Variants in PCDHA9 observed in about 807,000 individuals in gnomAD.
PCDHA9 encodes protocadherin alpha-9.
In PCDHA9, 62 loss-of-function variants were observed where a neutral mutation model predicts 62.0. The observed-to-expected ratio is 1.00, with a 90% CI of 0.81 to 1.23. The LOEUF (loss-of-function observed/expected upper bound fraction) is 1.23. Ranked by LOEUF, PCDHA9 falls within the 50% of genes most tolerant of loss-of-function variation. The pLI, the probability that PCDHA9 is intolerant of heterozygous loss-of-function variation, is 0.00. For synonymous variants in PCDHA9, 557 were observed against 567.6 expected, an observed-to-expected ratio of 0.98 and a Z score of 0.27; for missense variants, 1,205 against 1,249.8, an observed-to-expected ratio of 0.96 and a Z score of 0.54.
chr5:140,915,164 G>A (rs782783727), intron 1 of PCDHA9, among the ~76,000 whole-genome samples: 27 of 152,144 alleles, frequency 1.8e-4, no homozygotes, highest in African/African-American at 5.3e-4. Flanking sequence ...GGCCAGGATA[G>A]TCTCGATCTC....
chr5:140,876,729 G>C lies in PCDHA9; in HGVS notation c.2394+25840G>C, dbSNP rs781841207. The C allele has an allele frequency of 3.1e-6, 5 of 1,614,102 alleles. No homozygotes were observed. The East Asian group carries it at 6.7e-5, about 22-fold the overall frequency. On this transcript the variant is annotated intron_variant, in intron 1 of 3. Transcript: ENST00000532602. ...GCGCCCTGGACCGCGAGAGCGTGTC[G>C]GCCTATGAGCTGGTGGTGACTGCGC...
intron 1 of PCDHA9, 86 bp downstream of exon 1, chr5:140,850,975 T>G: frequency 6.9e-7 from 1 of 1,451,728 alleles, no homozygotes; most frequent in Non-Finnish European, 9.2e-7. Flanking sequence ...GTTCAAATAG[T>G]TTTATTCATT....
chr5:140,997,409 A>G (rs1378198322), intron 3 of PCDHA9, among the ~76,000 whole-genome samples: 2 of 152,180 alleles, frequency 1.3e-5, no homozygotes, highest in Non-Finnish European at 1.5e-5. Flanking sequence ...CGTATGGCCT[A>G]TTTCTCCTAG....
intron 1 of PCDHA9, among the ~76,000 whole-genome samples, chr5:140,946,113 G>T (rs1241993026): frequency 6.6e-6 from 1 of 151,816 alleles, no homozygotes; most frequent in Non-Finnish European, 1.5e-5. Context: ...AAATATATAA[G>T]GAACTCAAAC....
chr5:140,882,263 T>G (rs1554173290), intron 1 of PCDHA9: 3 of 1,604,900 alleles, frequency 1.9e-6, no homozygotes. Context: ...GTTTTTGGAG[T>G]GTACCATGCT....
At chr5:140,917,552 C>T (rs200211133) in intron 1 of PCDHA9, among the ~76,000 whole-genome samples, 1 of 152,192 alleles carries the variant, frequency 6.6e-6, no homozygotes, top group Non-Finnish European at 1.5e-5. Flanking sequence ...TTACATTTAA[C>T]TCTTTAATCC....
chr5:140,909,397 G>C (rs564100527), intron 1 of PCDHA9, among the ~76,000 whole-genome samples: 1 of 152,320 alleles, frequency 6.6e-6, no homozygotes, highest in East Asian at 1.9e-4. Flanking sequence ...TACAGCAGCT[G>C]CAATTGCAGT....
intron 1 of PCDHA9, among the ~76,000 whole-genome samples, chr5:140,906,668 C>G (rs1554192641): frequency 1.3e-5 from 2 of 152,152 alleles, no homozygotes; most frequent in African/African-American, 4.8e-5. Flanking sequence ...TGTAGTGACC[C>G]AAACCTTCAT....
chr5:140,880,707 G>A (rs1017608107), intron 1 of PCDHA9, among the ~76,000 whole-genome samples: 2 of 152,180 alleles, frequency 1.3e-5, no homozygotes, highest in East Asian at 3.8e-4. Context: ...TGACAATGTT[G>A]AGCAGCTTAA....
rs781871079 is a variant in PCDHA9, at chr5:140,857,427, C to T, written c.2394+6538C>T. 3 of 1,598,334 alleles carry T rather than the reference C, an allele frequency of 1.9e-6. No individual in the cohort carries two copies. In the East Asian group the frequency reaches 6.7e-5, roughly 36 times the overall value. ...CCTGCGTTCGCGCAGTCCGAGTACA[C>T]GGTGTTCGTGAAGGAGAACAACCCG... On this transcript the variant is annotated intron_variant, in intron 1 of 3. Coordinates refer to ENST00000532602, the MANE Select transcript of PCDHA9 (RefSeq NM_031857.2).
At chr5:140,964,482 G>A (rs1554227054) in intron 1 of PCDHA9, among the ~76,000 whole-genome samples, 1 of 152,144 alleles carries the variant, frequency 6.6e-6, no homozygotes, top group African/African-American at 2.4e-5. Flanking sequence ...TTTTTTCACA[G>A]TCACAGGTCT....
chr5:140,882,204 G>T, intron 1 of PCDHA9: 1 of 1,530,664 alleles, frequency 6.5e-7, no homozygotes. Flanking sequence ...ATTGGGCCTT[G>T]AGAGACAGTT....
chr5:140,884,490 G>A (rs2060210547), intron 1 of PCDHA9: 1 of 1,614,064 alleles, frequency 6.2e-7, no homozygotes, highest in Non-Finnish European at 8.5e-7. Flanking sequence ...ACTCTAGTGT[G>A]CTCCAGCGCG....
chr5:140,994,358 G>A (rs2097616894), intron 3 of PCDHA9, among the ~76,000 whole-genome samples: 1 of 152,162 alleles, frequency 6.6e-6, no homozygotes, highest in Admixed American at 6.5e-5. Flanking sequence ...GACCTCAGAA[G>A]ATGGAATTGG....
At chr5:140,940,139 C>G (rs984432706) in intron 1 of PCDHA9, among the ~76,000 whole-genome samples, 16 of 152,010 alleles carry the variant, frequency 1.1e-4, no homozygotes, top group Admixed American at 1.0e-3. Context: ...TAGTGATAAA[C>G]TATTATAGTT....
In PCDHA9 at chr5:140,968,471, G is replaced by A. The variant is rs531821868; in HGVS notation, c.2395-10478G>A. On this transcript the variant is annotated intron_variant, in intron 1 of 3. Coordinates refer to ENST00000532602, the MANE Select transcript of PCDHA9 (RefSeq NM_031857.2). ...CAGCACTGTGACTGCCAACGTATAT[G>A]TGGTGGACATGAATGACCATGCCCC... 3.3e-5 allele frequency: 54 copies of A among 1,614,154 alleles called. No homozygotes were observed. The South Asian group carries it at 5.7e-4, about 17-fold the overall frequency.
intron 1 of PCDHA9, chr5:140,876,770 C>T (rs2056573777): frequency 6.2e-7 from 1 of 1,614,248 alleles, no homozygotes; most frequent in Non-Finnish European, 8.5e-7. Context: ...GGGGGCTCGC[C>T]TTCGCTGTGG....
At chr5:140,969,493 C>T (rs1240479958) in intron 1 of PCDHA9, 5 of 1,445,166 alleles carry the variant, frequency 3.5e-6, no homozygotes, top group Non-Finnish European at 4.6e-6. Flanking sequence ...GCTATTTCCT[C>T]TCTAGAAAAA....
At chr5:140,875,286 G>GA (rs1582198607) in intron 1 of PCDHA9, 2 of 1,381,840 alleles carry the variant, frequency 1.4e-6, no homozygotes, top group South Asian at 3.3e-5. Flanking sequence ...GGTGAAACAG[G>GA]AAAATTTTTT....
Sources: gnomAD v4.1 joint callset for allele counts (sites outside exome capture counted in the v4.1 genomes callset) on GRCh38, gnomAD v4.1.1 for gene constraint, MANE v1.5 for transcripts, NCBI Gene and HGNC (gene_info 2026-07-23, HGNC 2026-07-21) for gene names.